Variants in ARMC2 observed in about 807,000 individuals in gnomAD.
ARMC2 encodes armadillo repeat-containing protein 2.
ARMC2 carries 67 observed loss-of-function variants against 90.3 expected under a neutral mutation model. The ratio of observed to expected loss-of-function variants is 0.74; its 90% CI spans 0.61 to 0.91. The LOEUF is 0.91. ARMC2 is among the 40% of genes least tolerant of loss of function. ARMC2 has a pLI of 0.00. For missense variants in ARMC2, 920 were observed against 1,030.9 expected (o/e 0.89, Z 1.47); for synonymous variants, 393 against 393.0 (o/e 1.00, Z 0.00).
At chr6:108,981,935 G>T in the ARMC2 span, among the ~76,000 whole-genome samples, 1 of 152,086 alleles carries the variant, frequency 6.6e-6, no homozygotes, top group Non-Finnish European at 1.5e-5. Flanking sequence ...CCAAAGTGCT[G>T]GGATTACAGG....
At chr6:108,907,561 G>T in intron 8 of ARMC2, 3 of 1,446,854 alleles carry the variant, frequency 2.1e-6, no homozygotes, top group Non-Finnish European at 1.9e-6. Flanking sequence ...CCTCACAGAG[G>T]GGCTCGGGCC....
rs577070699 is a variant in ARMC2 at position 108,960,280 on chromosome 6, C to T, written c.1916-1292C>T. Among the ~76,000 whole-genome samples the T allele has an allele frequency of 9.8e-4, 150 of 152,322 alleles. 1 individual carries two copies. The highest frequency in any genetic ancestry group is 3.5e-3 in the African/African-American group (146 of 41,568). ...TCTCTGCCAAGCACAGTCTCCACTC[C>T]GCCACATCTCCGCCATCACCCGTGT... On this transcript the variant is annotated intron_variant, in intron 13 of 17. Transcript: ENST00000392644.
At chr6:108,896,607 G>A (rs1218310721) in intron 6 of ARMC2, among the ~76,000 whole-genome samples, 1 of 152,178 alleles carries the variant, frequency 6.6e-6, no homozygotes, top group Non-Finnish European at 1.5e-5. Flanking sequence ...CAGTGACTGA[G>A]TAACTTTGGT....
At chr6:108,909,392 A>G (rs1773161665) in intron 8 of ARMC2, among the ~76,000 whole-genome samples, 1 of 151,884 alleles carries the variant, frequency 6.6e-6, no homozygotes, top group Non-Finnish European at 1.5e-5. Flanking sequence ...TTACTACTTT[A>G]GATAAATACA....
the ARMC2 span, among the ~76,000 whole-genome samples, chr6:109,038,162 T>TG: frequency 6.6e-6 from 1 of 152,196 alleles, no homozygotes; most frequent in Non-Finnish European, 1.5e-5. Context: ...TAGCACTAGT[T>TG]GGAGTCACTG....
intron 5 of ARMC2, among the ~76,000 whole-genome samples, chr6:108,892,666 G>T (rs1771191494): frequency 2.0e-5 from 3 of 151,794 alleles, no homozygotes; most frequent in African/African-American, 7.3e-5. Context: ...GGCTGAGGCA[G>T]GAGAATCCCT....
In ARMC2 at chr6:108,893,149, A is replaced by G. The variant is rs1583033291; in HGVS notation, c.672-1318A>G. Among the ~76,000 whole-genome samples the G allele has an allele frequency of 2.0e-5, 3 of 152,374 alleles. No homozygotes were observed. The East Asian group carries it at 5.8e-4, about 29-fold the overall frequency. On this transcript the variant is annotated intron_variant, in intron 5 of 17. Transcript: ENST00000392644. ...CCTTCAGAGATGTTCTCTACATTAA[A>G]TAAAACTTTTTAAAAACCTGAGCAT...
At chr6:108,872,927 G>A (rs920857102) in intron 4 of ARMC2, among the ~76,000 whole-genome samples, 1 of 152,212 alleles carries the variant, frequency 6.6e-6, no homozygotes, top group Non-Finnish European at 1.5e-5. Context: ...CTCTGCACAT[G>A]AGCGTATTAA....
chr6:108,853,851 T>G (rs140632981), intron 1 of ARMC2, among the ~76,000 whole-genome samples: 3 of 152,270 alleles, frequency 2.0e-5, no homozygotes, highest in Non-Finnish European at 2.9e-5. Context: ...GTATCACTAG[T>G]GTGGAGGGCA....
At chr6:109,015,691 C>T in the ARMC2 span, among the ~76,000 whole-genome samples, 5 of 151,938 alleles carry the variant, frequency 3.3e-5, no homozygotes, top group African/African-American at 1.2e-4. Context: ...GGGAAATGGA[C>T]GGTTAGGACT....
At chr6:108,973,044 C>T (rs1288782761) in intron 17 of ARMC2, among the ~76,000 whole-genome samples, 4 of 152,148 alleles carry the variant, frequency 2.6e-5, no homozygotes, top group African/African-American at 2.4e-5. Flanking sequence ...ATGGGCTTGG[C>T]GAGGTAGCGC....
chr6:109,047,006 CCCTG>C, the ARMC2 span, among the ~76,000 whole-genome samples: 3 of 59,542 alleles, frequency 5.0e-5, no homozygotes, highest in African/African-American at 6.8e-5. Flanking sequence ...GGGGTCAGCC[CCCTG>C]CCCGGCCAGC....
chr6:108,988,716 T>A, the ARMC2 span: 1 of 1,546,566 alleles, frequency 6.5e-7, no homozygotes, highest in Non-Finnish European at 8.8e-7. Flanking sequence ...AGAATTATGA[T>A]ATTTTCAGTG....
chr6:108,969,059 C>T (rs944482113), intron 17 of ARMC2, among the ~76,000 whole-genome samples: 7 of 152,136 alleles, frequency 4.6e-5, no homozygotes, highest in Non-Finnish European at 8.8e-5. Flanking sequence ...ACCTGATGAC[C>T]ATGTGTGTAG....
chr6:109,049,444 G>A, the ARMC2 span, among the ~76,000 whole-genome samples: 7 of 152,048 alleles, frequency 4.6e-5, no homozygotes, highest in Non-Finnish European at 7.4e-5. Flanking sequence ...AGCTAGATAA[G>A]CAGAATAAGT....
chr6:108,999,582 A>G, the ARMC2 span, among the ~76,000 whole-genome samples: 13 of 152,300 alleles, frequency 8.5e-5, no homozygotes, highest in South Asian at 2.1e-4. Context: ...ATGAGATGCC[A>G]CTTCACACTT....
chr6:108,900,400 C>G (rs1383743956), intron 7 of ARMC2, among the ~76,000 whole-genome samples: 1 of 152,158 alleles, frequency 6.6e-6, no homozygotes, highest in Non-Finnish European at 1.5e-5. Flanking sequence ...CACTTTCTCC[C>G]TCTTTGCAGC....
chr6:108,994,089 A>G, the ARMC2 span, among the ~76,000 whole-genome samples: 1 of 150,030 alleles, frequency 6.7e-6, no homozygotes, highest in East Asian at 1.9e-4. Flanking sequence ...ACAGTGAGCT[A>G]CAATCACGCC....
the ARMC2 span, among the ~76,000 whole-genome samples, chr6:108,995,930 T>C: frequency 2.0e-5 from 3 of 152,246 alleles, no homozygotes; most frequent in Admixed American, 6.5e-5. Context: ...ATCCTTCAGG[T>C]AGCAGCTTAC....
Sources: gnomAD v4.1 joint callset for allele counts (sites outside exome capture counted in the v4.1 genomes callset) on GRCh38, gnomAD v4.1.1 for gene constraint, MANE v1.5 for transcripts, NCBI Gene and HGNC (gene_info 2026-07-23, HGNC 2026-07-21) for gene names.